The following COL5A1 variants were observed in gnomAD, a reference collection of about 807,000 sequenced individuals.
COL5A1 encodes collagen type V alpha 1 chain, also known as collagen alpha-1(V) chain.
A neutral mutation model predicts 263.7 loss-of-function variants in COL5A1; 16 were observed. That is an observed-to-expected ratio of 0.06 (90% CI 0.04 to 0.09). The LOEUF is 0.09. Ranked by LOEUF, COL5A1 falls within the 10% of genes least tolerant of loss-of-function variation. COL5A1 has a pLI of 1.00. For missense variants in COL5A1, 2,036 were observed against 2,540.5 expected (o/e 0.80, Z 4.27); for synonymous variants, 1,012 against 1,004.5 (o/e 1.01, Z -0.14).
At chr9:134,782,792 A>G (rs1837312025) in intron 29 of COL5A1, 72 bp downstream of exon 29, 1 of 1,357,654 alleles carries the variant, frequency 7.4e-7, no homozygotes, top group African/African-American at 1.4e-5. Context: ...GGGGGTGGGG[A>G]TGTTTGCCGC....
intron 9 of COL5A1, among the ~76,000 whole-genome samples, chr9:134,737,668 G>A (rs1364964937): frequency 6.6e-6 from 1 of 152,200 alleles, no homozygotes; most frequent in African/African-American, 2.4e-5. Flanking sequence ...CTGGGGAAGG[G>A]GTCGGAAGTG....
At chr9:134,657,963 C>T (rs546406888) in intron 1 of COL5A1, among the ~76,000 whole-genome samples, 7 of 151,886 alleles carry the variant, frequency 4.6e-5, no homozygotes, top group East Asian at 1.9e-4. Flanking sequence ...CCTGGCCTGT[C>T]GGGTGGGCTT....
At chr9:134,836,505 G>A (rs1564188931) in intron 65 of COL5A1, among the ~76,000 whole-genome samples, 1 of 152,214 alleles carries the variant, frequency 6.6e-6, no homozygotes, top group Non-Finnish European at 1.5e-5. Context: ...GCCAGCTCCT[G>A]AGGGGAACGG....
At chr9:134,811,977 G>A (rs1006919872) in intron 46 of COL5A1, among the ~76,000 whole-genome samples, 2 of 152,198 alleles carry the variant, frequency 1.3e-5, no homozygotes, top group Non-Finnish European at 2.9e-5. Context: ...ATTGTATTTG[G>A]TGTTTGACAA....
intron 27 of COL5A1, among the ~76,000 whole-genome samples, chr9:134,777,496 GC>G (rs1837096826): frequency 6.6e-6 from 1 of 152,248 alleles, no homozygotes; most frequent in African/African-American, 2.4e-5. Context: ...CCTGGGAAGT[GC>G]TGGTTCTGTC....
intron 31 of COL5A1, among the ~76,000 whole-genome samples, chr9:134,786,702 A>T (rs1837471292): frequency 6.6e-6 from 1 of 151,928 alleles, no homozygotes; most frequent in South Asian, 2.1e-4. Flanking sequence ...TGAAAATGTT[A>T]TTTTTTTTCA....
At chr9:134,750,494 C>T (rs920757851) in intron 11 of COL5A1, 48 bp from the exon 12 acceptor site, 8 of 1,566,756 alleles carry the variant, frequency 5.1e-6, no homozygotes, top group African/African-American at 1.4e-5. Context: ...CAGCCCAGCC[C>T]TGGCCTGGTT....
chr9:134,711,712 G>A (rs527745386), intron 4 of COL5A1, among the ~76,000 whole-genome samples: 22 of 152,162 alleles, frequency 1.4e-4, no homozygotes, highest in African/African-American at 5.3e-4. Flanking sequence ...GGTGAAGAGG[G>A]GCACGGCTTG....
intron 1 of COL5A1, among the ~76,000 whole-genome samples, chr9:134,671,608 C>G (rs935323703): frequency 5.3e-5 from 8 of 152,316 alleles, no homozygotes; most frequent in East Asian, 3.9e-4. Context: ...TGGGCTCACC[C>G]GCAGCTCTAA....
chr9:134,775,068 G>A (rs1388375813), intron 27 of COL5A1, among the ~76,000 whole-genome samples, 156 bp downstream of exon 27: 3 of 152,230 alleles, frequency 2.0e-5, no homozygotes, highest in Non-Finnish European at 4.4e-5. Flanking sequence ...GTGGACGCTA[G>A]GTCTCAGGAC....
chr9:134,685,547 AGCAT>A (rs1833029998), intron 1 of COL5A1, among the ~76,000 whole-genome samples: 1 of 129,214 alleles, frequency 7.7e-6, no homozygotes, highest in Non-Finnish European at 1.6e-5. Context: ...CCATCCATCC[AGCAT>A]CCATCCATCC....
intron 29 of COL5A1, among the ~76,000 whole-genome samples, chr9:134,784,434 C>A (rs756238950): frequency 1.3e-5 from 2 of 152,218 alleles, no homozygotes; most frequent in South Asian, 2.1e-4. Context: ...TTCTGAGCCC[C>A]GAGCTCCCAA....
chr9:134,791,204 G>A (rs1172867774), intron 32 of COL5A1, among the ~76,000 whole-genome samples: 1 of 152,186 alleles, frequency 6.6e-6, no homozygotes, highest in Admixed American at 6.5e-5. Context: ...GCAGCCTCTG[G>A]GTGTCTGGCC....
At chr9:134,827,267 C>T (rs1215567057) in intron 63 of COL5A1, among the ~76,000 whole-genome samples, 4 of 152,228 alleles carry the variant, frequency 2.6e-5, no homozygotes, top group African/African-American at 9.6e-5. Flanking sequence ...CCTGACCGTG[C>T]TGAGCTCAGT....
intron 28 of COL5A1, among the ~76,000 whole-genome samples, chr9:134,781,877 G>A (rs550716095): frequency 5.5e-4 from 84 of 152,308 alleles, no homozygotes; most frequent in African/African-American, 1.9e-3. Context: ...GCCCCCAGCC[G>A]GGCCTTGAAT....
rs373089071 is a variant in COL5A1 at position 134,700,084 on chromosome 9, C to T, written c.453C>T (p.Asp151=). 1 of 1,610,714 alleles carries T rather than the reference C, an allele frequency of 6.2e-7. No individual in the cohort carries two copies. The highest frequency in any genetic ancestry group is 8.5e-7 in the Non-Finnish European group (1 of 1,180,018). Residue 151 remains aspartate (D), a synonymous_variant, in exon 3 of 66, where the codon GAC becomes GAT. Coordinates refer to ENST00000371817, the MANE Select transcript of COL5A1 (RefSeq NM_000093.5). This position sits in a 1 kb window ranked among gnomAD's most constrained non-coding sequence, Gnocchi z 4.0. ...EDHTGKPGPE[D]YPLFRGINLS... ...ACACGGGGAAGCCTGGCCCGGAAGACTACCCCCTCTTCCGGGGCATCAACC... is the reference window on the plus strand; with the variant it reads ...ACACGGGGAAGCCTGGCCCGGAAGATTACCCCCTCTTCCGGGGCATCAACC...
intron 18 of COL5A1, among the ~76,000 whole-genome samples, chr9:134,761,245 C>T: frequency 6.6e-6 from 1 of 150,542 alleles, no homozygotes; most frequent in East Asian, 2.0e-4. Flanking sequence ...TACCCCCACA[C>T]ACTCCACCCA....
chr9:134,778,797 C>G (rs1264713088), intron 27 of COL5A1, among the ~76,000 whole-genome samples: 3 of 152,256 alleles, frequency 2.0e-5, no homozygotes, highest in Non-Finnish European at 2.9e-5. Context: ...TCTTGCTTGT[C>G]TCCGGTGCTC....
At position 134,794,727 on chromosome 9, in the gene COL5A1, G is replaced by T. The variant is rs569726017; in HGVS notation, c.2701-355G>T. Among the ~76,000 whole-genome samples the T allele has an allele frequency of 1.4e-4, 21 of 151,692 alleles. No homozygotes were observed. Among genetic ancestry groups the T allele is most frequent in the African/African-American group, 4.8e-4 (20 of 41,488 alleles). On this transcript the variant is annotated intron_variant, in intron 32 of 65. Coordinates refer to ENST00000371817, the MANE Select transcript of COL5A1 (RefSeq NM_000093.5). The surrounding 1 kb of genome is among the most constrained non-coding windows in gnomAD (Gnocchi z 4.3). Reference sequence around the variant, plus strand: ...GATTTCCCTCCCTGCTGAGGACAGAGAGAGAAAGAGAGATGAGGAGGAGGG... The same window carrying T: ...GATTTCCCTCCCTGCTGAGGACAGATAGAGAAAGAGAGATGAGGAGGAGGG...
Sources: allele counts gnomAD v4.1 joint callset (sites outside exome capture counted in the v4.1 genomes callset), GRCh38; gene constraint gnomAD v4.1.1; non-coding constraint Gnocchi (gnomAD v3.1); transcripts MANE v1.5; gene names NCBI Gene and HGNC (gene_info 2026-07-23, HGNC 2026-07-21).